GPD2: variants seen among roughly 807,000 people sequenced by gnomAD.
The protein encoded by GPD2 is glycerol-3-phosphate dehydrogenase 2, also known as glycerol-3-phosphate dehydrogenase, mitochondrial.
Under a neutral mutation model 82.4 loss-of-function variants are expected in GPD2, and 54 were observed. That is an observed-to-expected ratio of 0.66 (90% CI 0.53 to 0.82). GPD2 has a LOEUF of 0.82. Among genes scored for constraint, GPD2 ranks in the 40% least tolerant of loss-of-function variants. GPD2 has a pLI of 0.00. For missense variants in GPD2, 748 were observed against 896.2 expected, an observed-to-expected ratio of 0.83 and a Z score of 2.11; for synonymous variants, 288 against 306.1, an observed-to-expected ratio of 0.94 and a Z score of 0.62.
At position 156,561,870 on chromosome 2, in the gene GPD2, G is replaced by A. The variant is rs757275321; in HGVS notation, c.1165+4288G>A. 5.3e-5 allele frequency among the ~76,000 whole-genome samples: 8 copies of A among 152,238 alleles called. No individual in the cohort carries two copies. In the South Asian group the frequency reaches 6.2e-4, roughly 12 times the overall value. ...CAGCTGCCACACTTCTGCAAAATGC[G>A]TCGGAACAATTCTGAAAAGCATTTT... On this transcript the variant is annotated intron_variant, in intron 9 of 16. Transcript: ENST00000438166.
chr2:156,557,574 A>T lies in GPD2; in HGVS notation c.1157A>T (p.Asp386Val), dbSNP rs758031470. 1.3e-6 allele frequency: 2 copies of T among 1,563,830 alleles called. No homozygotes were observed. Among genetic ancestry groups the T allele is most frequent in the Non-Finnish European group, 1.8e-6 (2 of 1,134,194 alleles). The change falls in exon 9 of 17, where the codon GAT becomes GTT. Residue 386 changes from aspartate to valine, a missense_variant. Physicochemically the swap from Asp to Val is radical, Grantham distance 152. Around this residue, in one of 3 missense-constraint regions of GPD2, gnomAD observed 692 missense variants for 809.7 expected, o/e 0.85. Coordinates refer to ENST00000438166, the MANE Select transcript of GPD2 (RefSeq NM_000408.5). The part of the protein sequence containing the change: ...LNEVRNYLSC[D>V]VEVRRGDVLA... ...GAAGTGCGTAATTACCTGAGTTGTG[A>T]TGTTGAAGGTAACTAAGCATTCCTT...
chr2:156,421,880 CTT>C, the GPD2 span, among the ~76,000 whole-genome samples: 1 of 152,174 alleles, frequency 6.6e-6, no homozygotes, highest in African/African-American at 2.4e-5. Context: ...AATCCCAGCA[CTT>C]TGGTAGGCTG....
At chr2:156,460,868 A>C (rs1682964491) in intron 1 of GPD2, among the ~76,000 whole-genome samples, 1 of 152,104 alleles carries the variant, frequency 6.6e-6, no homozygotes, top group African/African-American at 2.4e-5. Flanking sequence ...CTATTATAGA[A>C]TCTTGTAGAT....
chr2:156,574,419 T>C (rs1687745078), intron 13 of GPD2, among the ~76,000 whole-genome samples: 1 of 152,136 alleles, frequency 6.6e-6, no homozygotes, highest in African/African-American at 2.4e-5. Context: ...CAATTCTCAC[T>C]TTTTGGGAGA....
chr2:156,401,246 A>G, the GPD2 span, among the ~76,000 whole-genome samples: 2 of 152,232 alleles, frequency 1.3e-5, no homozygotes, highest in Non-Finnish European at 2.9e-5. Flanking sequence ...TCTATTGCTT[A>G]CTAGAAGACA....
At chr2:156,536,296 G>A (rs1192363501) in intron 6 of GPD2, among the ~76,000 whole-genome samples, 1 of 152,178 alleles carries the variant, frequency 6.6e-6, no homozygotes, top group Non-Finnish European at 1.5e-5. Flanking sequence ...TTGTATTTTA[G>A]TGGAGTAATG....
chr2:156,430,941 TTC>T (rs1688309711), upstream of GPD2, among the ~76,000 whole-genome samples: 1 of 152,360 alleles, frequency 6.6e-6, no homozygotes, highest in African/African-American at 2.4e-5. Flanking sequence ...AGGAAAAAAC[TTC>T]TTGCTCATTT....
rs372501557 is a variant in GPD2, at chr2:156,467,099, AT to A, written c.-8-8987del. 6.3e-3 allele frequency among the ~76,000 whole-genome samples: 929 copies of A among 146,904 alleles called. 7 individuals are homozygous for A. Among genetic ancestry groups the A allele is most frequent in the African/African-American group, 0.019 (779 of 40,236 alleles). On this transcript the variant is annotated intron_variant, in intron 1 of 16. Transcript: ENST00000438166. Reference sequence around the variant, plus strand: ...TCTTTCGCTTTCTCTTTGTTTCATGATTTTTTTTTTTTCTCATTCTTCTTTA... The same window carrying A: ...TCTTTCGCTTTCTCTTTGTTTCATGATTTTTTTTTTTCTCATTCTTCTTTA...
intron 6 of GPD2, among the ~76,000 whole-genome samples, chr2:156,520,544 T>A (rs954777752): frequency 8.8e-5 from 13 of 148,512 alleles, no homozygotes; most frequent in African/African-American, 3.2e-4. Flanking sequence ...TATTTATTTT[T>A]AAAATTATTT....
chr2:156,439,527 AAAAAAAAAAAAAC>A (rs1380548069), intron 1 of GPD2, among the ~76,000 whole-genome samples: 109 of 106,560 alleles, frequency 1.0e-3, no homozygotes, highest in Non-Finnish European at 1.7e-3. Context: ...AAAAAAAAAA[AAAAAAAAAAAAAC>A]AAAAAAAAAA....
intron 1 of GPD2, among the ~76,000 whole-genome samples, chr2:156,468,048 G>A (rs189543716): frequency 9.9e-5 from 15 of 152,216 alleles, no homozygotes; most frequent in African/African-American, 1.7e-4. Context: ...AGTAAGCACT[G>A]TATCAGCATA....
At chr2:156,469,839 G>T (rs760306978) in intron 1 of GPD2, among the ~76,000 whole-genome samples, 1 of 152,132 alleles carries the variant, frequency 6.6e-6, no homozygotes, top group Non-Finnish European at 1.5e-5. Flanking sequence ...AGGTAATTGA[G>T]GTTTCTATAT....
chr2:156,547,150 A>G (rs755996317), intron 6 of GPD2, among the ~76,000 whole-genome samples: 35 of 152,240 alleles, frequency 2.3e-4, no homozygotes, highest in Non-Finnish European at 4.7e-4. Flanking sequence ...TGCCTGATTC[A>G]TAACAAAGGA....
At chr2:156,521,019 A>G (rs180923990) in intron 6 of GPD2, among the ~76,000 whole-genome samples, 28 of 152,338 alleles carry the variant, frequency 1.8e-4, no homozygotes, top group Non-Finnish European at 2.4e-4. Context: ...ATTAGTAGGT[A>G]TATGCCTTAG....
intron 1 of GPD2, among the ~76,000 whole-genome samples, chr2:156,456,802 G>GCA (rs1682804419): frequency 6.6e-6 from 1 of 151,974 alleles, no homozygotes; most frequent in African/African-American, 2.4e-5. Flanking sequence ...GGTGGGTTGG[G>GCA]GGCTGTGGGA....
At position 156,490,899 on chromosome 2, in the gene GPD2, T is replaced by C. The variant is rs1483755696; in HGVS notation, c.103-5145T>C. Among the ~76,000 whole-genome samples, 3 of 152,320 alleles carry C rather than the reference T, an allele frequency of 2.0e-5. No individual in the cohort carries two copies. The East Asian group carries it at 5.8e-4, about 29-fold the overall frequency. On this transcript the variant is annotated intron_variant, in intron 2 of 16. Coordinates refer to ENST00000438166, the MANE Select transcript of GPD2 (RefSeq NM_000408.5). ...TTATTTTTTGTTAAGTCAAGTGTAT[T>C]GAGGTATAATTTGTAGTATAAAGTG...
rs115514780 is a variant in GPD2 at position 156,557,556 on chromosome 2, G to A, written c.1139G>A (p.Arg380His). 3.3e-5 allele frequency: 53 copies of A among 1,590,668 alleles called. No homozygotes were observed. Among genetic ancestry groups the A allele is most frequent in the East Asian group, 2.2e-4 (10 of 44,750 alleles). The change falls in exon 9 of 17, where the codon CGT becomes CAT. Residue 380 changes from arginine to histidine, a missense_variant. Around this residue, in one of 3 missense-constraint regions of GPD2, gnomAD observed 692 missense variants for 809.7 expected, o/e 0.85. Coordinates refer to ENST00000438166, the MANE Select transcript of GPD2 (RefSeq NM_000408.5). ...EDINFILNEV[R>H]NYLSCDVEVR... ...ATCAACTTCATTTTGAATGAAGTGC[G>A]TAATTACCTGAGTTGTGATGTTGAA...
At chr2:156,467,460 T>G (rs2105186325) in intron 1 of GPD2, among the ~76,000 whole-genome samples, 1 of 152,376 alleles carries the variant, frequency 6.6e-6, no homozygotes, top group South Asian at 2.1e-4. Context: ...CTTTTCTCAG[T>G]GACTTCGGAA....
intron 6 of GPD2, among the ~76,000 whole-genome samples, chr2:156,524,082 A>G (rs1344655078): frequency 6.6e-6 from 1 of 152,214 alleles, no homozygotes; most frequent in African/African-American, 2.4e-5. Flanking sequence ...TAGTGAACCC[A>G]TCACCCAAAT....
Sources: gnomAD v4.1 joint callset for allele counts (sites outside exome capture counted in the v4.1 genomes callset) on GRCh38, gnomAD v4.1.1 for gene constraint, gnomAD v4.1.1 regional missense constraint, MANE v1.5 for transcripts, NCBI Gene and HGNC (gene_info 2026-07-23, HGNC 2026-07-21) for gene names.